NR3C2: variants seen among roughly 807,000 people sequenced by gnomAD.
NR3C2 encodes the protein nuclear receptor subfamily 3 group C member 2.
NR3C2 carries 15 observed loss-of-function variants against 86.4 expected under a neutral mutation model. That is an observed-to-expected ratio of 0.17 (90% CI 0.12 to 0.27). The LOEUF (loss-of-function observed/expected upper bound fraction) is 0.27. Among genes scored for constraint, NR3C2 ranks in the 10% least tolerant of loss-of-function variants. The probability of loss-of-function intolerance (pLI) is 1.00; values close to 1 mark genes in which losing one functional copy is unlikely to be tolerated. For missense variants in NR3C2, 960 were observed against 1,195.6 expected, an observed-to-expected ratio of 0.80 and a Z score of 2.91; for synonymous variants, 458 against 450.5, an observed-to-expected ratio of 1.02 and a Z score of -0.21.
intron 6 of NR3C2, among the ~76,000 whole-genome samples, chr4:148,133,077 C>T (rs1316296519): frequency 6.6e-6 from 1 of 151,660 alleles, no homozygotes; most frequent in East Asian, 1.9e-4. Context: ...CTTATAGTCC[C>T]AGCTACTTGG....
intron 2 of NR3C2, among the ~76,000 whole-genome samples, chr4:148,274,855 G>A (rs1447544781): frequency 1.3e-5 from 2 of 151,584 alleles, no homozygotes; most frequent in African/African-American, 4.9e-5. Context: ...CCACCACCAC[G>A]CCCAGCTAAT....
At chr4:148,186,777 C>T (rs1735916142) in intron 4 of NR3C2, among the ~76,000 whole-genome samples, 1 of 150,488 alleles carries the variant, frequency 6.6e-6, no homozygotes, top group Admixed American at 6.7e-5. Context: ...CCACTCTTCC[C>T]CCCAAGTCCC....
chr4:148,308,073 C>T (rs986544252), intron 2 of NR3C2, among the ~76,000 whole-genome samples: 2 of 152,032 alleles, frequency 1.3e-5, no homozygotes, highest in Admixed American at 6.6e-5. Context: ...CTCTTTTTAT[C>T]TTTACTACCA....
At chr4:148,389,570 G>A (rs1043962339) in intron 2 of NR3C2, among the ~76,000 whole-genome samples, 8 of 152,090 alleles carry the variant, frequency 5.3e-5, no homozygotes, top group Non-Finnish European at 1.2e-4. Flanking sequence ...TTTATGGAGT[G>A]AGATGGGGCT....
At chr4:148,325,022 G>A (rs748750685) in intron 2 of NR3C2, among the ~76,000 whole-genome samples, 10 of 152,182 alleles carry the variant, frequency 6.6e-5, no homozygotes, top group Middle Eastern at 3.4e-3. Flanking sequence ...TGGATTATTC[G>A]TATAACCATA....
At chr4:148,204,270 C>A (rs1050768304) in intron 3 of NR3C2, among the ~76,000 whole-genome samples, 1 of 152,006 alleles carries the variant, frequency 6.6e-6, no homozygotes, top group Non-Finnish European at 1.5e-5. Flanking sequence ...GAACAAGGAA[C>A]TTTTTTTTCA....
At chr4:148,323,741 C>T (rs1483224887) in intron 2 of NR3C2, among the ~76,000 whole-genome samples, 1 of 152,148 alleles carries the variant, frequency 6.6e-6, no homozygotes, top group African/African-American at 2.4e-5. Context: ...CTTCGGCTCG[C>T]ACACGGTGCG....
At chr4:148,170,554 C>A (rs1735080251) in intron 4 of NR3C2, among the ~76,000 whole-genome samples, 1 of 152,158 alleles carries the variant, frequency 6.6e-6, no homozygotes, top group Admixed American at 6.5e-5. Context: ...ACAAATAGGC[C>A]TAGGCCTGAA....
chr4:148,250,963 G>A (rs184573340), intron 3 of NR3C2, among the ~76,000 whole-genome samples: 2 of 151,664 alleles, frequency 1.3e-5, no homozygotes, highest in Non-Finnish European at 2.9e-5. Flanking sequence ...TTTTGGGGGG[G>A]AGTGGGGGAC....
At chr4:148,413,080 T>C (rs1206835691) in intron 2 of NR3C2, among the ~76,000 whole-genome samples, 1 of 152,238 alleles carries the variant, frequency 6.6e-6, no homozygotes, top group Non-Finnish European at 1.5e-5. Context: ...TTTTCATAAA[T>C]ATTTGAACCT....
At position 148,253,321 on chromosome 4, in the gene NR3C2, G is replaced by C. The variant is rs149093224; in HGVS notation, c.1897+6657C>G. On this transcript the variant is annotated intron_variant, in intron 3 of 8. Transcript: ENST00000358102. ...ATAATAATCAAGGCATAATGATAAA[G>C]AACCAAACCTAGGATTGAAAACTGC... Among the ~76,000 whole-genome samples, 147 of 152,256 alleles carry C rather than the reference G, an allele frequency of 9.7e-4. No homozygotes were observed. The East Asian group carries it at 0.026, about 27-fold the overall frequency.
chr4:148,095,123 C>T (rs1024387590), intron 8 of NR3C2, among the ~76,000 whole-genome samples: 10 of 151,748 alleles, frequency 6.6e-5, no homozygotes, highest in Non-Finnish European at 1.5e-4. Context: ...GGACCTAATA[C>T]CACTGAATTG....
At position 148,136,087 on chromosome 4, in the gene NR3C2, A is replaced by AAAAAAAAAAAAC. The variant is rs1560940053; in HGVS notation, c.2511-15800_2511-15799insGTTTTTTTTTTT. 5.0e-5 allele frequency among the ~76,000 whole-genome samples: 4 copies of AAAAAAAAAAAAC among 79,254 alleles called. 1 individual carries two copies. The highest frequency in any genetic ancestry group is 1.7e-4 in the African/African-American group (4 of 22,862). The allele number at this position is 79,254 out of a possible 152,430, so 52.0% of individuals were successfully genotyped here. A position where few individuals can be genotyped will look rare whatever the true frequency, so the allele number is the denominator to read the frequency against. On this transcript the variant is annotated intron_variant, in intron 6 of 8. Coordinates refer to ENST00000358102, the MANE Select transcript of NR3C2 (RefSeq NM_000901.5). ...AAAAAAAAAAAAAAACAAAAAAAAA[A>AAAAAAAAAAAAC]AACACCACCAAAACCAACAAAAAAA...
chr4:148,266,323 G>A (rs775494967), intron 2 of NR3C2, among the ~76,000 whole-genome samples: 3 of 152,128 alleles, frequency 2.0e-5, no homozygotes, highest in Middle Eastern at 6.8e-3. Flanking sequence ...TGCCCGCCTC[G>A]GCCTCCCAAC....
chr4:148,121,879 A>G (rs1263149149), intron 6 of NR3C2, among the ~76,000 whole-genome samples: 1 of 152,176 alleles, frequency 6.6e-6, no homozygotes, highest in Non-Finnish European at 1.5e-5. Context: ...TCCACTACTG[A>G]TGGACACTTG....
chr4:148,330,201 T>C (rs1307193925), intron 2 of NR3C2, among the ~76,000 whole-genome samples: 4 of 152,132 alleles, frequency 2.6e-5, no homozygotes, highest in Non-Finnish European at 4.4e-5. Flanking sequence ...CAGCAAATAG[T>C]AACTAATTAA....
chr4:148,193,258 T>C (rs6841404), intron 4 of NR3C2, among the ~76,000 whole-genome samples: 36,758 of 152,108 alleles, frequency 0.24, 4,619 homozygotes, highest in South Asian at 0.39. Context: ...GCTTCTCCAG[T>C]GGGGGTGTGT....
intron 2 of NR3C2, among the ~76,000 whole-genome samples, chr4:148,294,653 T>A (rs936862427): frequency 2.8e-5 from 4 of 141,842 alleles, no homozygotes; most frequent in Non-Finnish European, 6.1e-5. Context: ...AGCTCAAAAA[T>A]TCCTTCTAAA....
Position 148,356,856 on chromosome 4 carries a change from T to C in NR3C2, c.1757+78248A>G, listed in dbSNP as rs141747128. 2.5e-3 allele frequency among the ~76,000 whole-genome samples: 386 copies of C among 152,150 alleles called. 2 individuals carry two copies. Among genetic ancestry groups the C allele is most frequent in the African/African-American group, 8.8e-3 (367 of 41,498 alleles). ...CTGTGGTAAAGGAGCCTTTCTCACA[T>C]ATGCTTATATTTTCAATGAACAAAA... is the stretch of plus-strand genomic sequence containing the variant. On this transcript the variant is annotated intron_variant, in intron 2 of 8. Transcript: ENST00000358102.
Sources: gnomAD v4.1 joint callset for allele counts (sites outside exome capture counted in the v4.1 genomes callset) on GRCh38, gnomAD v4.1.1 for gene constraint, MANE v1.5 for transcripts, NCBI Gene and HGNC (gene_info 2026-07-23, HGNC 2026-07-21) for gene names.